DCAF8L2: variants seen among roughly 807,000 people sequenced by gnomAD.
DCAF8L2 encodes DDB1- and CUL4-associated factor 8-like protein 2.
For missense variants in DCAF8L2, 430 were observed against 490.7 expected (o/e 0.88, Z 1.17); for synonymous variants, 200 against 190.9 (o/e 1.05, Z -0.39).
chrX:27,593,156 G>A (rs1452338592), intron 1 of DCAF8L2, among the ~76,000 whole-genome samples: 30 of 111,452 alleles, frequency 2.7e-4, no homozygotes, highest in Non-Finnish European at 3.8e-5. Context: ...ACAGTGTTGT[G>A]CAACCATCAC....
intron 2 of DCAF8L2, among the ~76,000 whole-genome samples, chrX:27,657,729 A>G (rs916183096): frequency 6.2e-5 from 7 of 112,329 alleles, no homozygotes. Flanking sequence ...GGGAAGAACC[A>G]TAGGCCAATT....
intron 1 of DCAF8L2, among the ~76,000 whole-genome samples, chrX:27,617,702 C>A (rs1026255883): frequency 1.8e-5 from 2 of 111,067 alleles, no homozygotes; most frequent in African/African-American, 6.5e-5. Flanking sequence ...TTGTCAGCTA[C>A]CTAGTGATTA....
the DCAF8L2 span, among the ~76,000 whole-genome samples, chrX:27,514,668 C>CAAAAAAAA: frequency 2.0e-3 from 5 of 2,526 alleles, no homozygotes; most frequent in Admixed American, 8.4e-3. Flanking sequence ...GACTCCGTCT[C>CAAAAAAAA]AAAAAAAAAA....
chrX:27,506,278 T>C, the DCAF8L2 span, among the ~76,000 whole-genome samples: 1 of 111,794 alleles, frequency 8.9e-6, no homozygotes, highest in Non-Finnish European at 1.9e-5. Context: ...AGAGTGCAAA[T>C]TGAGAGTTCC....
chrX:27,594,934 T>C (rs1468048266), intron 1 of DCAF8L2, among the ~76,000 whole-genome samples: 3 of 112,296 alleles, frequency 2.7e-5, no homozygotes, highest in Non-Finnish European at 5.6e-5. Flanking sequence ...TTACTATGTA[T>C]TTATTTGACA....
chrX:27,628,776 T>G (rs972193820), intron 1 of DCAF8L2, among the ~76,000 whole-genome samples: 14 of 110,681 alleles, frequency 1.3e-4, no homozygotes, highest in Non-Finnish European at 2.5e-4. Flanking sequence ...GCTAATTTTT[T>G]GTATTTTTAG....
chrX:27,690,747 T>C (rs1388077631), intron 3 of DCAF8L2, among the ~76,000 whole-genome samples: 1 of 112,006 alleles, frequency 8.9e-6, no homozygotes, highest in African/African-American at 3.2e-5. Flanking sequence ...GGCTATGGCA[T>C]ACCAAACTGA....
intron 3 of DCAF8L2, among the ~76,000 whole-genome samples, chrX:27,686,955 G>A (rs1194083491): frequency 3.6e-5 from 4 of 112,113 alleles, no homozygotes; most frequent in Non-Finnish European, 1.9e-5. Context: ...ACGCTTCTAT[G>A]AGAATCTAAT....
intron 1 of DCAF8L2, among the ~76,000 whole-genome samples, chrX:27,629,703 T>C (rs1336485357): frequency 9.0e-6 from 1 of 111,678 alleles, no homozygotes; most frequent in Non-Finnish European, 1.9e-5. Context: ...CAAAACTGTT[T>C]TGATTACTCT....
Position 27,732,249 on chromosome X carries a change from A to G in DCAF8L2, c.-58-14589A>G, listed in dbSNP as rs756512708. ...TCTCTGGAATTCTTACATAACTGCA[A>G]TTTTGTACCCTTTGACCTACATTTC... On this transcript the variant is annotated intron_variant, in intron 4 of 4. Transcript: ENST00000451261. 1.9e-4 allele frequency among the ~76,000 whole-genome samples: 21 copies of G among 111,046 alleles called. No individual in the cohort carries two copies. In the South Asian group the frequency reaches 7.9e-3, roughly 42 times the overall value.
the DCAF8L2 span, among the ~76,000 whole-genome samples, chrX:27,475,300 A>G: frequency 8.9e-6 from 1 of 112,202 alleles, no homozygotes; most frequent in Admixed American, 9.5e-5. Flanking sequence ...CCCAAATCAC[A>G]TATAATTTTT....
intron 4 of DCAF8L2, among the ~76,000 whole-genome samples, chrX:27,746,266 C>T (rs934493552): frequency 1.8e-5 from 2 of 112,255 alleles, no homozygotes; most frequent in African/African-American, 3.2e-5. Context: ...AGTATTCATC[C>T]TTTATCTGAA....
At chrX:27,488,653 G>T in the DCAF8L2 span, among the ~76,000 whole-genome samples, 1 of 108,093 alleles carries the variant, frequency 9.3e-6, no homozygotes, top group East Asian at 2.9e-4. Flanking sequence ...TGTTTTTCAA[G>T]ATTTGTTTTG....
chrX:27,643,206 G>T (rs894668749), intron 2 of DCAF8L2, among the ~76,000 whole-genome samples: 6 of 111,551 alleles, frequency 5.4e-5, no homozygotes, highest in African/African-American at 1.6e-4. Flanking sequence ...AATTCACAAG[G>T]GTTTCCTTCT....
chrX:27,494,247 A>G, the DCAF8L2 span, among the ~76,000 whole-genome samples: 2 of 110,253 alleles, frequency 1.8e-5, no homozygotes, highest in East Asian at 5.7e-4. Context: ...CTCTACTAAA[A>G]ATACAAAAAT....
chrX:27,565,866 G>A, the DCAF8L2 span, among the ~76,000 whole-genome samples: 1 of 110,592 alleles, frequency 9.0e-6, no homozygotes, highest in African/African-American at 3.3e-5. Context: ...GTGGGGCCGG[G>A]GGATCTCTTT....
At chrX:27,532,842 G>A in the DCAF8L2 span, among the ~76,000 whole-genome samples, 1 of 106,766 alleles carries the variant, frequency 9.4e-6, no homozygotes, top group African/African-American at 3.4e-5. Context: ...TTGCGGGGCT[G>A]AAGCAGGAGG....
chrX:27,468,963 C>T, the DCAF8L2 span, among the ~76,000 whole-genome samples: 7 of 111,813 alleles, frequency 6.3e-5, no homozygotes, highest in African/African-American at 1.9e-4. Flanking sequence ...GTGTACACTG[C>T]AGCAGTCCTG....
chrX:27,495,406 A>G, the DCAF8L2 span, among the ~76,000 whole-genome samples: 1 of 111,540 alleles, frequency 9.0e-6, no homozygotes, highest in South Asian at 3.7e-4. Context: ...GCATTTACAT[A>G]TGAATTTTAA....
Sources: gnomAD v4.1 joint callset for allele counts (sites outside exome capture counted in the v4.1 genomes callset) on GRCh38, gnomAD v4.1.1 for gene constraint, MANE v1.5 for transcripts, NCBI Gene and HGNC (gene_info 2026-07-23, HGNC 2026-07-21) for gene names.